Variants in VPS13D observed in about 807,000 individuals in gnomAD.
VPS13D encodes the protein intermembrane lipid transfer protein VPS13D.
In VPS13D, 187 loss-of-function variants were observed where a neutral mutation model predicts 461.9. The observed-to-expected ratio is 0.40, with a 90% CI of 0.36 to 0.46. VPS13D has a LOEUF of 0.46. VPS13D is among the 20% of genes least tolerant of loss of function. The pLI, the probability that VPS13D is intolerant of heterozygous loss-of-function variation, is 0.60. For missense variants in VPS13D, 4,711 were observed against 5,364.9 expected (o/e 0.88, Z 3.81); for synonymous variants, 1,951 against 1,986.3 (o/e 0.98, Z 0.47).
At chr1:12,475,290 A>G (rs1645616313) in intron 67 of VPS13D, among the ~76,000 whole-genome samples, 1 of 152,066 alleles carries the variant, frequency 6.6e-6, no homozygotes. Flanking sequence ...TCCCCATCTC[A>G]GGTCATTCTC....
At chr1:12,359,325 T>G (rs1410503374) in intron 50 of VPS13D, among the ~76,000 whole-genome samples, 7 of 152,132 alleles carry the variant, frequency 4.6e-5, no homozygotes, top group African/African-American at 1.7e-4. Context: ...AATGTTTAGT[T>G]TTGAACATTG....
At chr1:12,383,255 T>A in intron 58 of VPS13D, 100 bp downstream of exon 58, 1 of 1,214,768 alleles carries the variant, frequency 8.2e-7, no homozygotes, top group South Asian at 1.7e-5. Flanking sequence ...TTATGCCAGA[T>A]ATGAAGATAT....
rs905393639 is a variant in VPS13D at position 12,449,678 on chromosome 1, G to T, written c.12334-6320G>T. On this transcript the variant is annotated intron_variant, in intron 65 of 69. Coordinates refer to ENST00000620676, the MANE Select transcript of VPS13D (RefSeq NM_015378.4). ...TTTTGAAGTGACTTAGGTCTTACAT[G>T]ACTCAAAGATGGTTTTCCTAGTAGT... is the stretch of plus-strand genomic sequence containing the variant. 2.6e-5 allele frequency among the ~76,000 whole-genome samples: 4 copies of T among 152,268 alleles called. 1 individual carries two copies. Among genetic ancestry groups the T allele is most frequent in the African/African-American group, 9.6e-5 (4 of 41,546 alleles).
intron 65 of VPS13D, among the ~76,000 whole-genome samples, chr1:12,436,485 A>G (rs988426041): frequency 6.6e-6 from 1 of 152,130 alleles, no homozygotes; most frequent in African/African-American, 2.4e-5. Flanking sequence ...CCTAGTGGGG[A>G]AAGACTGGCT....
intron 32 of VPS13D, 97 bp from the exon 33 acceptor site, chr1:12,321,712 C>A (rs1182781292): frequency 7.5e-7 from 1 of 1,334,070 alleles, no homozygotes; most frequent in African/African-American, 1.5e-5. Context: ...TATGATAACA[C>A]ATGGCTGACT....
intron 25 of VPS13D, among the ~76,000 whole-genome samples, chr1:12,301,251 A>G (rs878954122): frequency 1.3e-5 from 2 of 152,238 alleles, no homozygotes; most frequent in African/African-American, 2.4e-5. Context: ...TAATTATGAC[A>G]TTAACCACTT....
chr1:12,470,614 G>C (rs1209994221), intron 67 of VPS13D, among the ~76,000 whole-genome samples: 1 of 152,174 alleles, frequency 6.6e-6, no homozygotes, highest in African/African-American at 2.4e-5. Context: ...CATTTAATAA[G>C]TATTAAATAC....
In VPS13D at chr1:12,311,821, G is replaced by C; in HGVS notation, c.6831G>C (p.Leu2277=). ...DLQDPRIHTV[L]SGEVYTCMCF... ...GCATTTTCCTTTTGTAGACTGTCCTGAGTGGAGAAGTGTACACCTGTATGT... is the reference window on the plus strand; with the variant it reads ...GCATTTTCCTTTTGTAGACTGTCCTCAGTGGAGAAGTGTACACCTGTATGT... The change falls in exon 29 of 70, where the codon CTG becomes CTC. Residue 2277 remains leucine, a synonymous_variant. Coordinates refer to ENST00000620676, the MANE Select transcript of VPS13D (RefSeq NM_015378.4). 6.2e-7 allele frequency: 1 copy of C among 1,614,026 alleles called. No individual in the cohort carries two copies. The highest frequency in any genetic ancestry group is 8.5e-7 in the Non-Finnish European group (1 of 1,179,920).
intron 7 of VPS13D, among the ~76,000 whole-genome samples, chr1:12,254,578 C>T (rs1640853497): frequency 8.2e-6 from 1 of 122,230 alleles, no homozygotes. Context: ...GGCTGGAGTG[C>T]AGTGGCGTAA....
intron 3 of VPS13D, 31 bp from the exon 4 acceptor site, chr1:12,244,215 A>G: frequency 1.3e-6 from 2 of 1,586,614 alleles, no homozygotes; most frequent in Non-Finnish European, 1.7e-6. Context: ...ATGTGTACAG[A>G]TGGTGAACAA....
Position 12,276,408 on chromosome 1 carries a change from G to T in VPS13D, c.2820G>T (p.Leu940Phe). The change falls in exon 19 of 70, where the codon TTG becomes TTT. Residue 940 changes from leucine to phenylalanine, a missense_variant. Leu to Phe is a conservative substitution (Grantham distance 22). Coordinates refer to ENST00000620676, the MANE Select transcript of VPS13D (RefSeq NM_015378.4). The surrounding 1 kb of genome is among the most constrained non-coding windows in gnomAD (Gnocchi z 4.5). ...SVMNLTQSIV[L>F]LEQHTREVLV... is the part of the protein sequence containing the mutation. ...TGAATTTAACCCAGAGCATTGTGTT[G>T]TTGGAGCAGCATACCCGCGAGGTTC... 3.1e-6 allele frequency: 5 copies of T among 1,614,214 alleles called. No individual in the cohort carries two copies. Among genetic ancestry groups the T allele is most frequent in the Non-Finnish European group, 4.2e-6 (5 of 1,180,032 alleles).
intron 34 of VPS13D, 97 bp downstream of exon 34, chr1:12,322,843 T>C: frequency 9.9e-7 from 1 of 1,005,764 alleles, no homozygotes; most frequent in Non-Finnish European, 1.5e-6. Context: ...TTGTACACAG[T>C]TTAATTGTAT....
chr1:12,476,953 A>G (rs1645638564), intron 67 of VPS13D, among the ~76,000 whole-genome samples: 1 of 152,232 alleles, frequency 6.6e-6, no homozygotes. Context: ...ACTTCGAAGG[A>G]GGAAGCGTGA....
At chr1:12,294,062 G>T (rs1642206420) in intron 24 of VPS13D, among the ~76,000 whole-genome samples, 1 of 152,102 alleles carries the variant, frequency 6.6e-6, no homozygotes, top group South Asian at 2.1e-4. Context: ...TGAGTTCGTG[G>T]CCCCCGTGGG....
chr1:12,368,703 C>A, intron 53 of VPS13D, 112 bp downstream of exon 53: 1 of 1,272,632 alleles, frequency 7.9e-7, no homozygotes, highest in Non-Finnish European at 1.0e-6. Context: ...TTAAAGGAAA[C>A]TATATGGATA....
intron 24 of VPS13D, among the ~76,000 whole-genome samples, chr1:12,295,578 A>G (rs1642253179): frequency 6.6e-6 from 1 of 152,192 alleles, no homozygotes; most frequent in Non-Finnish European, 1.5e-5. Flanking sequence ...GCATGTTTTA[A>G]TTTGTTTCTG....
chr1:12,395,996 G>GATATATAT (rs58476786), intron 60 of VPS13D, among the ~76,000 whole-genome samples: 4,455 of 73,522 alleles, frequency 0.061, 278 homozygotes, highest in Admixed American at 0.085. Flanking sequence ...ACTAATAGGA[G>GATATATAT]ATATATATAT....
In VPS13D at chr1:12,374,996, C is replaced by T. The variant is rs546414023; in HGVS notation, c.10917+1138C>T. On this transcript the variant is annotated intron_variant, in intron 55 of 69. Coordinates refer to ENST00000620676, the MANE Select transcript of VPS13D (RefSeq NM_015378.4). ...CAGGTAATCCGCCTGCCTTGGCCTC[C>T]GAAAGTGCTGGGATTACAGGCCTGA... Among the ~76,000 whole-genome samples the T allele has an allele frequency of 2.4e-4, 37 of 152,286 alleles. 1 individual carries two copies. In the South Asian group the frequency reaches 6.0e-3, roughly 25 times the overall value.
intron 36 of VPS13D, among the ~76,000 whole-genome samples, chr1:12,328,241 A>G (rs1000781560): frequency 6.6e-6 from 1 of 152,152 alleles, no homozygotes; most frequent in African/African-American, 2.4e-5. Context: ...CAAAAACAAG[A>G]ATCTTACTAG....
Sources: allele counts gnomAD v4.1 joint callset (sites outside exome capture counted in the v4.1 genomes callset), GRCh38; gene constraint gnomAD v4.1.1; non-coding constraint Gnocchi (gnomAD v3.1); transcripts MANE v1.5; gene names NCBI Gene and HGNC (gene_info 2026-07-23, HGNC 2026-07-21).